ABR: variants seen among roughly 807,000 people sequenced by gnomAD.
ABR encodes active breakpoint cluster region-related protein.
In ABR, 35 loss-of-function variants were observed where a neutral mutation model predicts 107.2. That is an observed-to-expected ratio of 0.33 (90% CI 0.25 to 0.43). ABR has a LOEUF of 0.43. ABR is among the 20% of genes least tolerant of loss of function. The pLI is 1.00. For missense variants in ABR, 815 were observed against 1,115.2 expected (o/e 0.73, Z 3.83); for synonymous variants, 498 against 462.0 (o/e 1.08, Z -1.00).
intron 1 of ABR, among the ~76,000 whole-genome samples, chr17:1,156,978 A>C (rs1173733673): frequency 6.6e-6 from 1 of 152,248 alleles, no homozygotes; most frequent in Admixed American, 6.5e-5. Context: ...GAATTAGATC[A>C]ATGTCAGGCT....
chr17:1,123,031 CGGTCTTTTATTAATAGTG>C (rs2039418926), intron 2 of ABR, among the ~76,000 whole-genome samples: 1 of 152,310 alleles, frequency 6.6e-6, no homozygotes, highest in Admixed American at 6.5e-5. Flanking sequence ...GCAGAAACCT[CGGTCTTTTATTAATAGTG>C]TTTTTAACCA....
At chr17:1,178,726 C>T (rs1442209801) in intron 1 of ABR, among the ~76,000 whole-genome samples, 6 of 152,000 alleles carry the variant, frequency 3.9e-5, no homozygotes, top group South Asian at 2.1e-4. Context: ...CCAGGAAGGG[C>T]GAAATCCACT....
chr17:1,161,246 G>C (rs2041280438), intron 1 of ABR, among the ~76,000 whole-genome samples: 2 of 150,396 alleles, frequency 1.3e-5, no homozygotes, highest in South Asian at 4.2e-4. Flanking sequence ...CACAAGTCCA[G>C]TCTTTTTTTT....
rs773146727 is a variant in ABR, at chr17:1,005,761, G to C, written c.*319C>G. On this transcript the variant is annotated 3_prime_UTR_variant, in exon 23 of 23. Transcript: ENST00000302538. ...AATGAAAGAACAAAGCGGGCTGTCT[G>C]TGTGCCCACGCCGGGCCGGTCACTA... 1 of 404,862 alleles carries C rather than the reference G, an allele frequency of 2.5e-6. No individual in the cohort carries two copies. The highest frequency in any genetic ancestry group is 4.5e-6 in the Non-Finnish European group (1 of 221,400). 25.1% of individuals were successfully genotyped at this position (404,862 alleles called of 1,614,324 possible).
intron 2 of ABR, chr17:1,109,151 G>A (rs1597843522): frequency 6.9e-7 from 1 of 1,454,692 alleles, no homozygotes; most frequent in Non-Finnish European, 9.1e-7. Flanking sequence ...GGAGGCGGGC[G>A]GGAGGGGGGG....
chr17:1,081,864 G>A (rs867863616), intron 5 of ABR, among the ~76,000 whole-genome samples: 7 of 151,886 alleles, frequency 4.6e-5, no homozygotes, highest in South Asian at 2.1e-4. Context: ...GGTGTGAGCC[G>A]CCACGCCCGG....
At chr17:1,188,939 AC>A (rs2042373207), upstream of ABR, among the ~76,000 whole-genome samples, 1 of 152,198 alleles carries the variant, frequency 6.6e-6, no homozygotes, top group African/African-American at 2.4e-5. Flanking sequence ...GCTGAGCTGC[AC>A]CCAGGACATG....
At chr17:1,223,611 T>G (rs1198216811) in intron 1 of ABR, among the ~76,000 whole-genome samples, 1 of 152,124 alleles carries the variant, frequency 6.6e-6, no homozygotes, top group Non-Finnish European at 1.5e-5. Context: ...TATTTGTCCG[T>G]GTTCACACTG....
At chr17:1,031,706 C>T in intron 16 of ABR, 1 of 1,249,606 alleles carries the variant, frequency 8.0e-7, no homozygotes, top group South Asian at 3.1e-5. Flanking sequence ...GCCCCGCCTT[C>T]GGGCTGCAGT....
chr17:1,131,937 CCCT>C (rs2039854489), intron 1 of ABR, among the ~76,000 whole-genome samples: 1 of 44,494 alleles, frequency 2.2e-5, no homozygotes, highest in Non-Finnish European at 5.1e-5. Flanking sequence ...CACAGCTCCC[CCCT>C]CTTTGCACAC....
In ABR at chr17:1,103,258, C is replaced by T. The variant is rs547537736; in HGVS notation, c.247-2523G>A. Among the ~76,000 whole-genome samples, 4 of 152,198 alleles carry T rather than the reference C, an allele frequency of 2.6e-5. No homozygotes were observed. In the East Asian group the frequency reaches 5.8e-4, roughly 22 times the overall value. On this transcript the variant is annotated intron_variant, in intron 2 of 22. Coordinates refer to ENST00000302538, the MANE Select transcript of ABR (RefSeq NM_021962.5). ...CTTCCTGAGGCACCGAGAGTCGGGA[C>T]TGCCAGAGGCCTGCACAGCCTCCAG... is the stretch of plus-strand genomic sequence containing the variant.
chr17:1,123,443 C>T (rs531824788), intron 2 of ABR, among the ~76,000 whole-genome samples: 1 of 152,292 alleles, frequency 6.6e-6, no homozygotes, highest in Middle Eastern at 3.4e-3. Flanking sequence ...GAGCGCCAGG[C>T]GGGGGCATCT....
intron 1 of ABR, among the ~76,000 whole-genome samples, chr17:1,172,168 C>A (rs1055633795): frequency 6.6e-6 from 1 of 152,208 alleles, no homozygotes; most frequent in Non-Finnish European, 1.5e-5. Flanking sequence ...GGTCTCGACC[C>A]GGGGACAGAG....
chr17:1,225,803 A>G (rs934663546), intron 1 of ABR, among the ~76,000 whole-genome samples: 2 of 152,176 alleles, frequency 1.3e-5, no homozygotes, highest in African/African-American at 4.8e-5. Flanking sequence ...ACAGCAGGAG[A>G]GAAGAGGTGC....
intron 1 of ABR, among the ~76,000 whole-genome samples, chr17:1,174,302 A>G (rs541490476): frequency 3.2e-4 from 48 of 152,340 alleles, no homozygotes; most frequent in African/African-American, 1.1e-3. Context: ...GACAAAAAGG[A>G]ATAAATTACT....
chr17:1,123,834 AC>A (rs1382219720), intron 2 of ABR, among the ~76,000 whole-genome samples: 1 of 152,042 alleles, frequency 6.6e-6, no homozygotes, highest in Non-Finnish European at 1.5e-5. Flanking sequence ...TACTATTTGT[AC>A]CCTGAGCCCA....
chr17:1,008,699 G>T (rs541198147), intron 21 of ABR, among the ~76,000 whole-genome samples: 135 of 152,362 alleles, frequency 8.9e-4, no homozygotes, highest in African/African-American at 3.1e-3. Flanking sequence ...GAGCTGCAGC[G>T]GGGGGCCTGG....
At chr17:1,168,902 A>C (rs1418872026) in intron 1 of ABR, among the ~76,000 whole-genome samples, 1 of 152,218 alleles carries the variant, frequency 6.6e-6, no homozygotes, top group Non-Finnish European at 1.5e-5. Flanking sequence ...GCCCCAGCTC[A>C]TCCAGGCCTC....
At chr17:1,205,210 A>G (rs986538171) in intron 1 of ABR, among the ~76,000 whole-genome samples, 1 of 152,086 alleles carries the variant, frequency 6.6e-6, no homozygotes, top group Non-Finnish European at 1.5e-5. Flanking sequence ...TTTTATCCCC[A>G]TTATTAAGAG....
Sources: allele counts gnomAD v4.1 joint callset (sites outside exome capture counted in the v4.1 genomes callset), GRCh38; gene constraint gnomAD v4.1.1; transcripts MANE v1.5; gene names NCBI Gene and HGNC (gene_info 2026-07-23, HGNC 2026-07-21).